TMEM132D: variants seen among roughly 807,000 people sequenced by gnomAD.
TMEM132D encodes transmembrane protein 132D.
TMEM132D carries 21 observed loss-of-function variants against 62.3 expected under a neutral mutation model. The ratio of observed to expected loss-of-function variants is 0.34; its 90% CI spans 0.24 to 0.49. The LOEUF is 0.49. Among genes scored for constraint, TMEM132D ranks in the 20% least tolerant of loss-of-function variants. TMEM132D has a pLI of 0.99. For missense variants in TMEM132D, 1,346 were observed against 1,402.8 expected, an observed-to-expected ratio of 0.96 and a Z score of 0.65; for synonymous variants, 621 against 575.6, an observed-to-expected ratio of 1.08 and a Z score of -1.13.
rs77652071 is a variant in TMEM132D at position 129,074,216 on chromosome 12, G to C, written c.2959C>G (p.Gln987Glu). 1.6e-5 allele frequency: 26 copies of C among 1,613,888 alleles called. No homozygotes were observed. Among genetic ancestry groups the C allele is most frequent in the African/African-American group, 2.7e-5 (2 of 74,864 alleles). Residue 987 changes from glutamine (Q) to glutamate (E), a missense_variant, in exon 9 of 9, where the codon CAA becomes GAA. Coordinates refer to ENST00000422113, the MANE Select transcript of TMEM132D (RefSeq NM_133448.3). ...ATGCCCCTGTCAATGGCAGTGATTT[G>C]CTCATCTTGCGAGGAGGCAAAGTTG... ...HINFASSQDE[Q>E]ITAIDRGMDF...
intron 2 of TMEM132D, among the ~76,000 whole-genome samples, chr12:129,659,526 G>C (rs1880182288): frequency 6.6e-6 from 1 of 152,064 alleles, no homozygotes; most frequent in Non-Finnish European, 1.5e-5. Flanking sequence ...TAAGAGAGTA[G>C]TCAGTTTGAA....
intron 3 of TMEM132D, among the ~76,000 whole-genome samples, chr12:129,442,872 G>C (rs1872981153): frequency 6.6e-6 from 1 of 152,144 alleles, no homozygotes; most frequent in African/African-American, 2.4e-5. Context: ...TGGACGCCAT[G>C]GTGTGCTGCC....
intron 1 of TMEM132D, among the ~76,000 whole-genome samples, chr12:129,752,783 A>G (rs1476409704): frequency 6.6e-6 from 1 of 152,162 alleles, no homozygotes; most frequent in Non-Finnish European, 1.5e-5. Context: ...CACAGTTGTG[A>G]TACATAAGCT....
intron 8 of TMEM132D, 44 bp from the exon 9 acceptor site, chr12:129,075,103 T>G (rs1489318265): frequency 5.2e-6 from 8 of 1,524,072 alleles, no homozygotes; most frequent in Non-Finnish European, 7.1e-6. Context: ...GCCAAAAAGC[T>G]CATTGAGCCC....
chr12:129,877,612 C>T (rs539651487), intron 1 of TMEM132D, among the ~76,000 whole-genome samples: 1,197 of 84,998 alleles, frequency 0.014, 17 homozygotes, highest in African/African-American at 0.037. Context: ...CGCGCGCGCG[C>T]GCACACACAC....
At chr12:129,631,349 A>AAGC (rs1879340185) in intron 2 of TMEM132D, among the ~76,000 whole-genome samples, 1 of 152,308 alleles carries the variant, frequency 6.6e-6, no homozygotes, top group East Asian at 1.9e-4. Context: ...AAAGAGCAGA[A>AAGC]AGCAGCAAAA....
chr12:129,447,026 G>T (rs983053567), intron 3 of TMEM132D, among the ~76,000 whole-genome samples: 1 of 152,100 alleles, frequency 6.6e-6, no homozygotes, highest in Non-Finnish European at 1.5e-5. Flanking sequence ...GCAGTGTAGA[G>T]AATCCTGCTA....
chr12:129,352,994 T>C (rs890313472), intron 3 of TMEM132D, among the ~76,000 whole-genome samples: 1 of 152,178 alleles, frequency 6.6e-6, no homozygotes, highest in Admixed American at 6.5e-5. Context: ...GCACTTGCCC[T>C]GAATTCTTTC....
At chr12:129,826,674 C>T (rs1176069519) in intron 1 of TMEM132D, among the ~76,000 whole-genome samples, 1 of 152,182 alleles carries the variant, frequency 6.6e-6, no homozygotes, top group Non-Finnish European at 1.5e-5. Context: ...TAAAGAATTT[C>T]AAAAGCCAAC....
intron 4 of TMEM132D, among the ~76,000 whole-genome samples, chr12:129,275,344 C>T (rs778420536): frequency 6.6e-5 from 10 of 152,016 alleles, no homozygotes; most frequent in Non-Finnish European, 1.0e-4. Flanking sequence ...AAGAAGAGCA[C>T]TAAGTTTATA....
At chr12:129,124,260 C>T (rs1182823817) in intron 5 of TMEM132D, among the ~76,000 whole-genome samples, 1 of 152,168 alleles carries the variant, frequency 6.6e-6, no homozygotes, top group Non-Finnish European at 1.5e-5. Flanking sequence ...CTAATGAAGA[C>T]TAATCTCACC....
chr12:129,599,723 T>C (rs1193825602), intron 2 of TMEM132D, among the ~76,000 whole-genome samples: 1 of 152,230 alleles, frequency 6.6e-6, no homozygotes, highest in South Asian at 2.1e-4. Context: ...TTTTTTGGTT[T>C]TTGGTTTCCC....
chr12:129,276,032 GGTTTGTTTGTTT>G (rs72253809), intron 4 of TMEM132D, among the ~76,000 whole-genome samples: 3 of 151,146 alleles, frequency 2.0e-5, no homozygotes, highest in African/African-American at 4.9e-5. Flanking sequence ...TGGATGCACA[GGTTTGTTTGTTT>G]GTTTGTTTGT....
chr12:129,300,940 T>C (rs1268631678), intron 4 of TMEM132D, among the ~76,000 whole-genome samples: 1 of 152,182 alleles, frequency 6.6e-6, no homozygotes, highest in Non-Finnish European at 1.5e-5. Flanking sequence ...CACTCCCTAC[T>C]GTAGTTACCC....
intron 3 of TMEM132D, among the ~76,000 whole-genome samples, chr12:129,380,774 A>C (rs1486395929): frequency 3.3e-5 from 5 of 152,008 alleles, no homozygotes; most frequent in Non-Finnish European, 5.9e-5. Context: ...TCCATCTCTA[A>C]AACTCCACCC....
chr12:129,451,329 T>C (rs1873280916), intron 3 of TMEM132D, among the ~76,000 whole-genome samples: 1 of 152,210 alleles, frequency 6.6e-6, no homozygotes, highest in African/African-American at 2.4e-5. Context: ...TCATGGTAGA[T>C]GAGTCGCTAA....
chr12:129,555,594 T>C (rs1367151997), intron 2 of TMEM132D, among the ~76,000 whole-genome samples: 2 of 152,244 alleles, frequency 1.3e-5, no homozygotes, highest in African/African-American at 4.8e-5. Context: ...TTGCAGATCA[T>C]ATTTTGTTGT....
intron 5 of TMEM132D, among the ~76,000 whole-genome samples, chr12:129,101,328 G>A (rs1010039633): frequency 7.2e-5 from 11 of 152,248 alleles, no homozygotes; most frequent in South Asian, 4.1e-4. Context: ...ATTTCATGCC[G>A]CCAACCCAAA....
At chr12:129,105,935 A>G (rs1448750678) in intron 5 of TMEM132D, among the ~76,000 whole-genome samples, 3 of 151,404 alleles carry the variant, frequency 2.0e-5, no homozygotes, top group Admixed American at 1.3e-4. Flanking sequence ...CCAAAGGACT[A>G]TAAATCATGC....
Sources: gnomAD v4.1 joint callset for allele counts (sites outside exome capture counted in the v4.1 genomes callset) on GRCh38, gnomAD v4.1.1 for gene constraint, MANE v1.5 for transcripts, NCBI Gene and HGNC (gene_info 2026-07-23, HGNC 2026-07-21) for gene names.